Variants in NCALD observed in about 807,000 individuals in gnomAD.
The protein encoded by NCALD is neurocalcin-delta.
A neutral mutation model predicts 18.6 loss-of-function variants in NCALD; 10 were observed. The ratio of observed to expected loss-of-function variants is 0.54; its 90% confidence interval spans 0.33 to 0.91. The LOEUF (loss-of-function observed/expected upper bound fraction) is 0.91, where lower values mean the gene tolerates loss of function less well. Among genes scored for constraint, NCALD ranks in the 40% least tolerant of loss-of-function variants. The pLI is 0.03. For missense variants in NCALD, 184 were observed against 247.6 expected (o/e 0.74, Z 1.72); for synonymous variants, 88 against 87.4 (o/e 1.01, Z -0.04).
intron 4 of NCALD, chr8:101,871,815 A>G: frequency 7.3e-6 from 3 of 409,846 alleles, no homozygotes; most frequent in Non-Finnish European, 1.3e-5. Flanking sequence ...TCAGCATGTG[A>G]TAGCAGCTGC....
intron 1 of NCALD, among the ~76,000 whole-genome samples, chr8:101,729,413 G>T (rs1469361211): frequency 1.3e-5 from 2 of 152,184 alleles, no homozygotes; most frequent in Non-Finnish European, 2.9e-5. Context: ...TGAGACCTAT[G>T]CCCTATTTGG....
intron 2 of NCALD, among the ~76,000 whole-genome samples, chr8:101,715,091 A>G (rs1267099377): frequency 6.6e-6 from 1 of 152,104 alleles, no homozygotes; most frequent in Non-Finnish European, 1.5e-5. Context: ...ACGGCATGGT[A>G]CTAGTACCAA....
intron 1 of NCALD, among the ~76,000 whole-genome samples, chr8:101,743,915 C>T (rs547092618): frequency 6.6e-6 from 1 of 152,304 alleles, no homozygotes; most frequent in South Asian, 2.1e-4. Flanking sequence ...GGCCAAGGCT[C>T]GGCTGGGAAA....
intron 4 of NCALD, among the ~76,000 whole-genome samples, chr8:101,839,407 T>G (rs978062672): frequency 2.0e-5 from 3 of 152,126 alleles, no homozygotes; most frequent in African/African-American, 7.2e-5. Flanking sequence ...GATGTCATAC[T>G]CCTTAAAGTC....
intron 2 of NCALD, among the ~76,000 whole-genome samples, chr8:101,695,529 TTC>T (rs901931964): frequency 6.6e-6 from 1 of 152,110 alleles, no homozygotes; most frequent in African/African-American, 2.4e-5. Flanking sequence ...GTTTATATTC[TTC>T]TCTCACCTGA....
At chr8:101,863,981 G>A (rs1038974722) in intron 4 of NCALD, among the ~76,000 whole-genome samples, 1 of 152,162 alleles carries the variant, frequency 6.6e-6, no homozygotes, top group Non-Finnish European at 1.5e-5. Flanking sequence ...CTGGGCATTA[G>A]AGATTTTTTA....
chr8:101,759,555 G>C (rs1295752169), intron 1 of NCALD, among the ~76,000 whole-genome samples: 1 of 152,158 alleles, frequency 6.6e-6, no homozygotes. Context: ...GTATCCCAGG[G>C]ACCTGCCTGC....
chr8:101,919,503 T>C (rs1317144762), intron 2 of NCALD, among the ~76,000 whole-genome samples: 3 of 151,850 alleles, frequency 2.0e-5, no homozygotes, highest in African/African-American at 4.8e-5. Flanking sequence ...TCAAAAGCAA[T>C]TGCAACAAAA....
At chr8:101,998,230 A>T (rs1264482121) in intron 2 of NCALD, among the ~76,000 whole-genome samples, 1 of 152,206 alleles carries the variant, frequency 6.6e-6, no homozygotes, top group Non-Finnish European at 1.5e-5. Context: ...TAAAACAATA[A>T]AACTGACTCT....
At chr8:101,729,279 T>C (rs942477012) in intron 1 of NCALD, among the ~76,000 whole-genome samples, 7 of 151,856 alleles carry the variant, frequency 4.6e-5, no homozygotes, top group Non-Finnish European at 8.8e-5. Flanking sequence ...GAGTAGTACA[T>C]CAGGAAAAAA....
chr8:102,020,642 G>A (rs1475282884), intron 1 of NCALD, among the ~76,000 whole-genome samples: 1 of 152,134 alleles, frequency 6.6e-6, no homozygotes, highest in Non-Finnish European at 1.5e-5. Context: ...ATCTGACTGT[G>A]ATATACAGCA....
At chr8:102,020,503 T>C (rs533766424) in intron 1 of NCALD, 3 of 152,338 alleles carry the variant, frequency 2.0e-5, no homozygotes, top group Admixed American at 2.0e-4. Flanking sequence ...GAATATAATA[T>C]CTGCAGAATG....
At chr8:102,001,731 T>C (rs1821478706) in intron 2 of NCALD, among the ~76,000 whole-genome samples, 1 of 152,162 alleles carries the variant, frequency 6.6e-6, no homozygotes, top group Non-Finnish European at 1.5e-5. Context: ...TCGACATTCT[T>C]AAAGAAAAGA....
At chr8:101,710,586 C>A (rs1437541289) in intron 2 of NCALD, among the ~76,000 whole-genome samples, 1 of 152,200 alleles carries the variant, frequency 6.6e-6, no homozygotes, top group Non-Finnish European at 1.5e-5. Flanking sequence ...CAGGGAGGGG[C>A]GTCTGCCATT....
chr8:101,804,010 A>G (rs974004775), intron 4 of NCALD, among the ~76,000 whole-genome samples: 1 of 152,072 alleles, frequency 6.6e-6, no homozygotes, highest in African/African-American at 2.4e-5. Context: ...AGAAATAGCC[A>G]TAGCCACCCC....
At chr8:102,030,155 A>ACCATG (rs1292518123) in intron 1 of NCALD, among the ~76,000 whole-genome samples, 1 of 152,242 alleles carries the variant, frequency 6.6e-6, no homozygotes, top group Admixed American at 6.5e-5. Context: ...AAAGCCAGCA[A>ACCATG]TATTTGTAAA....
chr8:101,840,965 T>C (rs1814620824), intron 4 of NCALD, among the ~76,000 whole-genome samples: 2 of 152,210 alleles, frequency 1.3e-5, no homozygotes, highest in Non-Finnish European at 2.9e-5. Context: ...TAAAAAGCTT[T>C]AATTTAACAC....
At chr8:102,103,958 G>C (rs1825367326) in intron 1 of NCALD, among the ~76,000 whole-genome samples, 1 of 152,190 alleles carries the variant, frequency 6.6e-6, no homozygotes, top group African/African-American at 2.4e-5. Context: ...CATTGTAGCA[G>C]GTGGAGTAAG....
chr8:101,886,812 TCAA>T (rs1675515569), intron 4 of NCALD, among the ~76,000 whole-genome samples: 1 of 152,204 alleles, frequency 6.6e-6, no homozygotes. Context: ...TTTCCAGGAA[TCAA>T]CAAGCCAGGT....
Sources: gnomAD v4.1 joint callset for allele counts (sites outside exome capture counted in the v4.1 genomes callset) on GRCh38, gnomAD v4.1.1 for gene constraint, MANE v1.5 for transcripts, NCBI Gene and HGNC (gene_info 2026-07-23, HGNC 2026-07-21) for gene names.